Variants in MALRD1 observed in about 807,000 individuals in gnomAD.
MALRD1 encodes the protein MAM and LDL receptor class A domain containing 1, also known as MAM and LDL-receptor class A domain-containing protein 1.
A neutral mutation model predicts 242.1 loss-of-function variants in MALRD1; 247 were observed. The observed-to-expected ratio is 1.02, with a 90% CI of 0.92 to 1.13. The LOEUF (loss-of-function observed/expected upper bound fraction) is 1.13. MALRD1 is among the 50% of genes most tolerant of loss of function. The pLI is 0.00. For synonymous variants in MALRD1, 995 were observed against 866.6 expected (o/e 1.15, Z -2.60); for missense variants, 2,989 against 2,533.1 (o/e 1.18, Z -3.86).
At chr10:19,571,596 C>T (rs149642025) in intron 33 of MALRD1, among the ~76,000 whole-genome samples, 31 of 152,046 alleles carry the variant, frequency 2.0e-4, no homozygotes, top group African/African-American at 7.0e-4. Context: ...TGCAGTTTTC[C>T]AATGAAATAT....
intron 38 of MALRD1, among the ~76,000 whole-genome samples, chr10:19,712,580 T>C (rs1408377629): frequency 6.6e-6 from 1 of 152,192 alleles, no homozygotes; most frequent in African/African-American, 2.4e-5. Context: ...TGCTAGGTGA[T>C]TGCTAAGGGA....
At chr10:19,469,646 T>C (rs1423321729) in intron 29 of MALRD1, among the ~76,000 whole-genome samples, 1 of 152,120 alleles carries the variant, frequency 6.6e-6, no homozygotes. Flanking sequence ...CCACACAGAA[T>C]TGGGATGTTT....
At chr10:19,672,303 C>T (rs908574865) in intron 36 of MALRD1, among the ~76,000 whole-genome samples, 1 of 151,552 alleles carries the variant, frequency 6.6e-6, no homozygotes, top group Non-Finnish European at 1.5e-5. Context: ...TTACTACCAG[C>T]TCTTTAGACT....
chr10:19,162,065 A>AC lies in MALRD1; in HGVS notation c.1657-3572_1657-3571insC, dbSNP rs1168021251. Among the ~76,000 whole-genome samples, 17 of 151,948 alleles carry AC rather than the reference A, an allele frequency of 1.1e-4. No homozygotes were observed. The East Asian group carries it at 2.3e-3, about 21-fold the overall frequency. ...AACAGCAACAACAACAACAACAACA[A>AC]AAACAAAACCATAACTGAGGAAATG... On this transcript the variant is annotated intron_variant, in intron 12 of 39. Transcript: ENST00000454679.
intron 36 of MALRD1, among the ~76,000 whole-genome samples, chr10:19,672,556 T>G (rs1471419665): frequency 1.3e-5 from 2 of 151,950 alleles, no homozygotes; most frequent in Non-Finnish European, 2.9e-5. Flanking sequence ...CCCGAGTAGC[T>G]GGTATTACAG....
intron 36 of MALRD1, among the ~76,000 whole-genome samples, chr10:19,627,757 T>A (rs533322191): frequency 9.4e-6 from 1 of 106,346 alleles, no homozygotes; most frequent in Admixed American, 1.0e-4. Flanking sequence ...AGCAAGACTG[T>A]CTAAAAAAAA....
chr10:19,444,291 A>G (rs1028133328), intron 28 of MALRD1, among the ~76,000 whole-genome samples: 3 of 152,096 alleles, frequency 2.0e-5, no homozygotes, highest in Non-Finnish European at 4.4e-5. Flanking sequence ...TTTAATTGGA[A>G]CATTGAGCCC....
chr10:19,235,361 T>C (rs1206744166), intron 18 of MALRD1, among the ~76,000 whole-genome samples: 1 of 147,064 alleles, frequency 6.8e-6, no homozygotes, highest in East Asian at 2.0e-4. Context: ...ATTTTTCTGA[T>C]GATTAGTAAT....
chr10:19,678,696 G>A (rs1414020082), intron 36 of MALRD1, among the ~76,000 whole-genome samples: 4 of 152,180 alleles, frequency 2.6e-5, no homozygotes, highest in African/African-American at 7.2e-5. Flanking sequence ...TTGAATAGGA[G>A]TGATGAAAGA....
At chr10:19,158,225 C>G (rs1027677073) in intron 12 of MALRD1, among the ~76,000 whole-genome samples, 1 of 152,204 alleles carries the variant, frequency 6.6e-6, no homozygotes, top group African/African-American at 2.4e-5. Flanking sequence ...GTAACACAAT[C>G]TCTTACTTTT....
At chr10:19,439,515 G>A (rs1834512826) in intron 28 of MALRD1, among the ~76,000 whole-genome samples, 1 of 146,164 alleles carries the variant, frequency 6.8e-6, no homozygotes, top group African/African-American at 2.5e-5. Flanking sequence ...GCTAGGCTGG[G>A]CAACAAAGCA....
chr10:19,109,646 C>T (rs1349876065), intron 5 of MALRD1, among the ~76,000 whole-genome samples: 1 of 152,182 alleles, frequency 6.6e-6, no homozygotes, highest in Non-Finnish European at 1.5e-5. Flanking sequence ...GAGAATGGCA[C>T]ACTACCAAGT....
chr10:19,252,263 CAA>C (rs1839323484), intron 18 of MALRD1, among the ~76,000 whole-genome samples: 1 of 151,982 alleles, frequency 6.6e-6, no homozygotes, highest in African/African-American at 2.4e-5. Flanking sequence ...CAATCTGACT[CAA>C]GAGCACTCAT....
At chr10:19,525,229 A>G (rs1834053876) in intron 31 of MALRD1, among the ~76,000 whole-genome samples, 1 of 146,704 alleles carries the variant, frequency 6.8e-6, no homozygotes, top group Admixed American at 6.7e-5. Context: ...TTCCTTTAAA[A>G]GTATCAACTT....
chr10:19,169,210 G>A (rs1834819663), intron 13 of MALRD1, among the ~76,000 whole-genome samples: 2 of 152,012 alleles, frequency 1.3e-5, no homozygotes, highest in South Asian at 2.1e-4. Flanking sequence ...AACACTCTCG[G>A]TGTTATGTTA....
At chr10:19,490,931 C>A in intron 29 of MALRD1, 1 of 174,884 alleles carries the variant, frequency 5.7e-6, no homozygotes, top group Non-Finnish European at 1.2e-5. Flanking sequence ...AAATTTTGCC[C>A]CATGGGAGTC....
chr10:19,535,274 C>T (rs1488461713), intron 32 of MALRD1, among the ~76,000 whole-genome samples: 1 of 151,908 alleles, frequency 6.6e-6, no homozygotes, highest in Non-Finnish European at 1.5e-5. Flanking sequence ...ATAGTACATT[C>T]GGTCATACGG....
At chr10:19,283,945 G>C (rs1470977754) in intron 21 of MALRD1, among the ~76,000 whole-genome samples, 2 of 152,190 alleles carry the variant, frequency 1.3e-5, no homozygotes, top group East Asian at 3.9e-4. Flanking sequence ...CAGGCAGCAA[G>C]TCAATAAATA....
At chr10:19,598,043 A>T (rs1589288261) in intron 34 of MALRD1, among the ~76,000 whole-genome samples, 1 of 152,132 alleles carries the variant, frequency 6.6e-6, no homozygotes, top group African/African-American at 2.4e-5. Flanking sequence ...CAGAATCCTC[A>T]CCACCCTGCC....
Sources: allele counts gnomAD v4.1 joint callset (sites outside exome capture counted in the v4.1 genomes callset), GRCh38; gene constraint gnomAD v4.1.1; transcripts MANE v1.5; gene names NCBI Gene and HGNC (gene_info 2026-07-23, HGNC 2026-07-21).